Variants in KCNIP4 observed in about 807,000 individuals in gnomAD.
KCNIP4 encodes the protein potassium voltage-gated channel interacting protein 4, also known as Kv channel-interacting protein 4.
In KCNIP4, 12 loss-of-function variants were observed where a neutral mutation model predicts 34.0. That is an observed-to-expected ratio of 0.35 (90% CI 0.23 to 0.57). The LOEUF is 0.57. Among genes scored for constraint, KCNIP4 ranks in the 20% least tolerant of loss-of-function variants. The pLI, the probability that KCNIP4 is intolerant of heterozygous loss-of-function variation, is 0.83. For synonymous variants in KCNIP4, 124 were observed against 102.2 expected (o/e 1.21, Z -1.29); for missense variants, 238 against 311.7 (o/e 0.76, Z 1.78).
intron 1 of KCNIP4, among the ~76,000 whole-genome samples, chr4:21,655,484 T>C (rs1483624349): frequency 6.6e-6 from 1 of 152,024 alleles, no homozygotes; most frequent in East Asian, 1.9e-4. Flanking sequence ...AACAAAATAA[T>C]AACAATAAGA....
At chr4:21,717,855 G>A (rs1225932642) in intron 1 of KCNIP4, among the ~76,000 whole-genome samples, 3 of 151,956 alleles carry the variant, frequency 2.0e-5, no homozygotes, top group East Asian at 1.9e-4. Flanking sequence ...ATCTGTGATC[G>A]TCACTTTTCT....
In KCNIP4 at chr4:21,883,226, G is replaced by GCCTTATA. The variant is rs1278294034; in HGVS notation, c.61+65338_61+65344dup. Among the ~76,000 whole-genome samples the GCCTTATA allele has an allele frequency of 2.7e-5, 4 of 149,252 alleles. No individual in the cohort carries two copies. In the East Asian group the frequency reaches 8.2e-4, roughly 31 times the overall value. On this transcript the variant is annotated intron_variant, in intron 1 of 8. Coordinates refer to ENST00000382152, the MANE Select transcript of KCNIP4 (RefSeq NM_025221.6). The stretch of plus-strand genomic sequence containing the variant: ...ACTCAGGCAATCACAGCTCACTGCA[G>GCCTTATA]CCTTATACTCCTGGCCTCAAGAGAT...
chr4:20,853,274 T>TA (rs1421588521), intron 2 of KCNIP4, among the ~76,000 whole-genome samples: 3 of 152,236 alleles, frequency 2.0e-5, no homozygotes, highest in Non-Finnish European at 4.4e-5. Flanking sequence ...AACAGCGTGG[T>TA]ACTGGTATGA....
At chr4:21,799,040 GA>G (rs149730852) in intron 1 of KCNIP4, among the ~76,000 whole-genome samples, 9 of 149,270 alleles carry the variant, frequency 6.0e-5, no homozygotes, top group Admixed American at 3.3e-4. Flanking sequence ...GGAAAAAAAT[GA>G]AAAAAAAACC....
chr4:21,376,099 A>C (rs1720938874), intron 1 of KCNIP4, among the ~76,000 whole-genome samples: 1 of 152,236 alleles, frequency 6.6e-6, no homozygotes, highest in Admixed American at 6.5e-5. Flanking sequence ...TTTTCTCTAA[A>C]AGAAAAGCAC....
chr4:20,854,807 A>T (rs556867829), intron 2 of KCNIP4, among the ~76,000 whole-genome samples: 1 of 152,316 alleles, frequency 6.6e-6, no homozygotes, highest in Non-Finnish European at 1.5e-5. Flanking sequence ...GGGGGCCTAG[A>T]GGATATTCTA....
Position 21,919,509 on chromosome 4 carries a change from C to T in KCNIP4, c.61+29062G>A, listed in dbSNP as rs115991340. ...CCAATGGATGAACCATACCATTCAGCATTAGTAGCCTACCCAATGGCCATT... is the reference window on the plus strand; with the variant it reads ...CCAATGGATGAACCATACCATTCAGTATTAGTAGCCTACCCAATGGCCATT... On this transcript the variant is annotated intron_variant, in intron 1 of 8. Coordinates refer to ENST00000382152, the MANE Select transcript of KCNIP4 (RefSeq NM_025221.6). 5.2e-3 allele frequency among the ~76,000 whole-genome samples: 794 copies of T among 152,270 alleles called. 2 individuals are homozygous for T. Among genetic ancestry groups the T allele is most frequent in the Non-Finnish European group, 8.2e-3 (560 of 68,014 alleles).
chr4:20,762,131 G>A (rs1436279061), intron 3 of KCNIP4, among the ~76,000 whole-genome samples: 1 of 152,178 alleles, frequency 6.6e-6, no homozygotes, highest in Non-Finnish European at 1.5e-5. Context: ...TAAGACCATA[G>A]GATTAGCAGA....
intron 1 of KCNIP4, among the ~76,000 whole-genome samples, chr4:21,289,771 T>A (rs966365847): frequency 6.6e-6 from 1 of 152,158 alleles, no homozygotes; most frequent in Non-Finnish European, 1.5e-5. Context: ...GAATGGTGCC[T>A]AGGCAGATGC....
chr4:21,129,407 A>G (rs1223708330), intron 1 of KCNIP4, among the ~76,000 whole-genome samples: 3 of 152,154 alleles, frequency 2.0e-5, no homozygotes, highest in Non-Finnish European at 4.4e-5. Flanking sequence ...GGGTGAGAAA[A>G]CTTTGGTTCA....
intron 1 of KCNIP4, among the ~76,000 whole-genome samples, chr4:21,201,780 G>A (rs949622452): frequency 1.3e-5 from 2 of 152,178 alleles, no homozygotes; most frequent in Non-Finnish European, 1.5e-5. Flanking sequence ...TTATAGGCGT[G>A]AGCCACCACA....
chr4:21,423,613 C>A (rs1725680603), intron 1 of KCNIP4, among the ~76,000 whole-genome samples: 1 of 152,162 alleles, frequency 6.6e-6, no homozygotes, highest in Admixed American at 6.5e-5. Context: ...TATTTCTACA[C>A]CTCCTCCCAT....
rs1302885844 is a variant in KCNIP4 at position 20,799,184 on chromosome 4, C to A, written c.289-40294G>T. On this transcript the variant is annotated intron_variant, in intron 3 of 8. Coordinates refer to ENST00000382152, the MANE Select transcript of KCNIP4 (RefSeq NM_025221.6). The stretch of plus-strand genomic sequence containing the variant: ...ATCCTGCCCATTCTAGTTGCTGGGG[C>A]ACCTCCACTTAAGGCCAACATCCAG... 2.6e-5 allele frequency among the ~76,000 whole-genome samples: 4 copies of A among 152,278 alleles called. No individual in the cohort carries two copies. In the East Asian group the frequency reaches 7.7e-4, roughly 29 times the overall value.
chr4:21,022,875 G>A (rs1425293147), intron 1 of KCNIP4, among the ~76,000 whole-genome samples: 1 of 151,974 alleles, frequency 6.6e-6, no homozygotes, highest in Non-Finnish European at 1.5e-5. Flanking sequence ...GCCCAGTCTG[G>A]AGTGCAGTGG....
chr4:21,592,060 T>A (rs73254304), intron 1 of KCNIP4, among the ~76,000 whole-genome samples: 10,023 of 152,042 alleles, frequency 0.066, 477 homozygotes, highest in African/African-American at 0.13. Context: ...GAAAATATAC[T>A]GGAGTAACAG....
rs192293029 is a variant in KCNIP4 at position 20,864,623 on chromosome 4, C to T, written c.164-13956G>A. ...CCCCAGAGCAGGAGAGAGGATGATG[C>T]CCCACTTATCTAGAATTCATGCACC... On this transcript the variant is annotated intron_variant, in intron 2 of 8. Transcript: ENST00000382152. Among the ~76,000 whole-genome samples the T allele has an allele frequency of 2.0e-4, 30 of 151,962 alleles. No individual in the cohort carries two copies. The East Asian group carries it at 5.8e-3, about 29-fold the overall frequency.
Position 21,918,334 on chromosome 4 carries a change from C to T in KCNIP4, c.61+30237G>A, listed in dbSNP as rs184353980. Among the ~76,000 whole-genome samples the T allele has an allele frequency of 4.5e-3, 685 of 152,148 alleles. 11 individuals carry two copies. Among genetic ancestry groups the T allele is most frequent in the Middle Eastern group, 0.027 (8 of 294 alleles). On this transcript the variant is annotated intron_variant, in intron 1 of 8. Transcript: ENST00000382152. ...TATTTTTGTACCACCCTACAGTAAG[C>T]GGGAGATATAGGAAAACTGGAGCTC...
intron 1 of KCNIP4, among the ~76,000 whole-genome samples, chr4:21,018,775 T>C (rs1739774106): frequency 6.6e-6 from 1 of 152,206 alleles, no homozygotes; most frequent in Non-Finnish European, 1.5e-5. Context: ...AGCGCTGACA[T>C]GCTTCTTGGG....
chr4:21,410,281 C>A (rs1266810244), intron 1 of KCNIP4, among the ~76,000 whole-genome samples: 2 of 152,180 alleles, frequency 1.3e-5, no homozygotes, highest in Admixed American at 1.3e-4. Flanking sequence ...TCTGCAAATT[C>A]TTTGACGGTC....
Sources: gnomAD v4.1 joint callset for allele counts (sites outside exome capture counted in the v4.1 genomes callset) on GRCh38, gnomAD v4.1.1 for gene constraint, MANE v1.5 for transcripts, NCBI Gene and HGNC (gene_info 2026-07-23, HGNC 2026-07-21) for gene names.